Variants in EFEMP1 observed in about 807,000 individuals in gnomAD.
EFEMP1 encodes the protein EGF-like fibulin extracellular matrix protein 1.
In EFEMP1, 18 loss-of-function variants were observed where a neutral mutation model predicts 65.7. That is an observed-to-expected ratio of 0.27 (90% confidence interval 0.19 to 0.41). The LOEUF is 0.41. Among genes scored for constraint, EFEMP1 ranks in the 10% least tolerant of loss-of-function variants. The pLI is 1.00. For missense variants in EFEMP1, 469 were observed against 624.8 expected (o/e 0.75, Z 2.66); for synonymous variants, 237 against 219.7 (o/e 1.08, Z -0.70).
At chr2:55,896,337 C>A (rs556227407) in intron 5 of EFEMP1, among the ~76,000 whole-genome samples, 1 of 152,214 alleles carries the variant, frequency 6.6e-6, no homozygotes, top group African/African-American at 2.4e-5. Flanking sequence ...TGTTTTCAAT[C>A]CAGTGTTCCA....
At position 55,886,363 on chromosome 2, in the gene EFEMP1, G is replaced by A. The variant is rs1391594292; in HGVS notation, c.518-4629C>T. On this transcript the variant is annotated intron_variant, in intron 5 of 11. Transcript: ENST00000355426. This position sits in a 1 kb window ranked among gnomAD's most constrained non-coding sequence, Gnocchi z 4.0. Reference sequence around the variant, plus strand: ...ATAACCGTATCTTTACTAGTTCTGTGTGGGGCACTGTGCATGCTTTGCAAA... The same window carrying A: ...ATAACCGTATCTTTACTAGTTCTGTATGGGGCACTGTGCATGCTTTGCAAA... 6.6e-6 allele frequency among the ~76,000 whole-genome samples: 1 copy of A among 152,062 alleles called. No individual in the cohort carries two copies. Among genetic ancestry groups the A allele is most frequent in the Non-Finnish European group, 1.5e-5 (1 of 68,006 alleles).
rs758641385 is a variant in EFEMP1, at chr2:55,867,190, T to C, written c.1365A>G (p.Leu455=). Residue 455 remains leucine (L), a synonymous_variant, in exon 12 of 12, where the codon TTA becomes TTG. Transcript: ENST00000355426. This position sits in a 1 kb window ranked among gnomAD's most constrained non-coding sequence, Gnocchi z 4.3. ...CCACGATATGTTCTCTTGGTCCTGATAATGACTTCACGAGCACAAGCATTG... is the reference window on the plus strand; with the variant it reads ...CCACGATATGTTCTCTTGGTCCTGACAATGACTTCACGAGCACAAGCATTG... ...VSAMLVLVKS[L]SGPREHIVDL... 3 of 1,614,028 alleles carry C rather than the reference T, an allele frequency of 1.9e-6. No homozygotes were observed. Among genetic ancestry groups the C allele is most frequent in the South Asian group, 2.2e-5 (2 of 91,076 alleles).
intron 7 of EFEMP1, among the ~76,000 whole-genome samples, chr2:55,876,985 T>A (rs1018183002): frequency 6.6e-6 from 1 of 152,116 alleles, no homozygotes; most frequent in East Asian, 1.9e-4. Flanking sequence ...CGAAATATTT[T>A]TTCTAGGAAT....
chr2:55,871,161 C>T lies in EFEMP1; in HGVS notation c.1001-38G>A, dbSNP rs765694007. ...AGGGTCAAAGAGTTTACTAACTAAA[C>T]TAATGAACTGATCTAATTAAATCAT... On this transcript the variant is annotated intron_variant, in intron 9 of 11. Transcript: ENST00000355426. The surrounding 1 kb of genome is among the most constrained non-coding windows in gnomAD (Gnocchi z 4.2). The T allele has an allele frequency of 1.9e-5, 31 of 1,612,222 alleles. No individual in the cohort carries two copies. The highest frequency in any genetic ancestry group is 2.5e-5 in the Non-Finnish European group (30 of 1,179,210).
chr2:55,918,420 C>CT (rs983324158), intron 3 of EFEMP1, among the ~76,000 whole-genome samples, 153 bp from the exon 4 acceptor site: 5 of 151,916 alleles, frequency 3.3e-5, no homozygotes, highest in South Asian at 4.2e-4. Flanking sequence ...CATTCTATCG[C>CT]TTTTTTTTCA....
Position 55,867,141 on chromosome 2 carries a change from T to C in EFEMP1, c.1414A>G (p.Ser472Gly), listed in dbSNP as rs1668606731. The C allele has an allele frequency of 6.2e-7, 1 of 1,613,946 alleles. No individual in the cohort carries two copies. ...GAGCTTGTGCGGAAGGTCCCTATAC[T>C]GCTGACTGTCAGCATCTCCAGGTCC... is the stretch of plus-strand genomic sequence containing the variant. The part of the protein sequence containing the change: ...IVDLEMLTVS[S>G]IGTFRTSSVL... Residue 472 changes from serine (S) to glycine (G), a missense_variant, in exon 12 of 12, where the codon AGT becomes GGT. Physicochemically the swap from Ser to Gly is moderately conservative, Grantham distance 56. This residue lies in a region of EFEMP1 where 399 missense variants were observed against 528.2 expected (regional missense o/e 0.76). Coordinates refer to ENST00000355426, the MANE Select transcript of EFEMP1 (RefSeq NM_001039348.3). This position sits in a 1 kb window ranked among gnomAD's most constrained non-coding sequence, Gnocchi z 4.3.
At chr2:55,902,077 C>T (rs1468153283) in intron 5 of EFEMP1, among the ~76,000 whole-genome samples, 1 of 152,192 alleles carries the variant, frequency 6.6e-6, no homozygotes, top group South Asian at 2.1e-4. Flanking sequence ...GACCCAAAGT[C>T]AGAGGACCCA....
chr2:55,869,771 A>G (rs1473775033), intron 11 of EFEMP1, among the ~76,000 whole-genome samples: 1 of 152,184 alleles, frequency 6.6e-6, no homozygotes, highest in Non-Finnish European at 1.5e-5. Flanking sequence ...CATCATTAGC[A>G]TGAAACAGTT....
At chr2:55,880,291 C>T (rs1056756912) in intron 6 of EFEMP1, among the ~76,000 whole-genome samples, 1 of 152,146 alleles carries the variant, frequency 6.6e-6, no homozygotes, top group Admixed American at 6.5e-5. Context: ...TTTCCTCCTA[C>T]CACATTAAAA....
chr2:55,881,671 C>T lies in EFEMP1; in HGVS notation c.581G>A (p.Arg194Gln), dbSNP rs752116761. The change falls in exon 6 of 12, where the codon CGG becomes CAG. Residue 194 changes from arginine to glutamine, a missense_variant. Physicochemically the swap from Arg to Gln is conservative, Grantham distance 43. Transcript: ENST00000355426. ...CRADQVCINL[R>Q]GSFACQCPPG... ...AGGGCACTGACATGCAAAGGATCCC[C>T]GTAAATTGATGCACACTTGGTCTGC... 8.1e-6 allele frequency: 13 copies of T among 1,613,796 alleles called. No individual in the cohort carries two copies. The Admixed American group carries it at 8.3e-5, about 10-fold the overall frequency.
chr2:55,875,811 G>A (rs1050560684), intron 8 of EFEMP1, among the ~76,000 whole-genome samples: 2 of 152,060 alleles, frequency 1.3e-5, no homozygotes, highest in Non-Finnish European at 2.9e-5. Context: ...GGGGAAGAAT[G>A]CTTTGCATTT....
chr2:55,874,485 A>G (rs1668946667), intron 9 of EFEMP1, among the ~76,000 whole-genome samples: 1 of 152,220 alleles, frequency 6.6e-6, no homozygotes, highest in Non-Finnish European at 1.5e-5. Flanking sequence ...ATATTCAACT[A>G]TATTTTACAA....
At chr2:55,895,278 C>T (rs897434560) in intron 5 of EFEMP1, among the ~76,000 whole-genome samples, 1 of 152,230 alleles carries the variant, frequency 6.6e-6, no homozygotes, top group African/African-American at 2.4e-5. Flanking sequence ...TTCACTGCCA[C>T]ATAACAGATG....
Position 55,877,408 on chromosome 2 carries a change from A to T in EFEMP1, c.760+338T>A, listed in dbSNP as rs2104384655. Among the ~76,000 whole-genome samples the T allele has an allele frequency of 6.6e-6, 1 of 152,302 alleles. No individual in the cohort carries two copies. Among genetic ancestry groups the T allele is most frequent in the East Asian group, 1.9e-4 (1 of 5,184 alleles). On this transcript the variant is annotated intron_variant, in intron 7 of 11. Coordinates refer to ENST00000355426, the MANE Select transcript of EFEMP1 (RefSeq NM_001039348.3). The surrounding 1 kb of genome is among the most constrained non-coding windows in gnomAD (Gnocchi z 4.5). The stretch of plus-strand genomic sequence containing the variant: ...TAAAAATCAGATGCACTTTCAGTGG[A>T]AAGTTTATATACTTGAACTTGTAGT...
chr2:55,889,004 T>A (rs949569182), intron 5 of EFEMP1, among the ~76,000 whole-genome samples: 26 of 152,316 alleles, frequency 1.7e-4, no homozygotes, highest in African/African-American at 5.8e-4. Context: ...ATGAACTGAA[T>A]GGAGACTGAC....
At position 55,899,190 on chromosome 2, in the gene EFEMP1, G is replaced by A. The variant is rs541439480; in HGVS notation, c.518-17456C>T. ...ACTTCTCCAGAATTTTTCAGTAATC[G>A]CCACTTACCACTGATGATGTGGGGA... On this transcript the variant is annotated intron_variant, in intron 5 of 11. Coordinates refer to ENST00000355426, the MANE Select transcript of EFEMP1 (RefSeq NM_001039348.3). Among the ~76,000 whole-genome samples the A allele has an allele frequency of 7.9e-5, 12 of 152,250 alleles. No individual in the cohort carries two copies. In the South Asian group the frequency reaches 2.1e-3, roughly 26 times the overall value.
At position 55,876,724 on chromosome 2, in the gene EFEMP1, G is replaced by C; in HGVS notation, c.779C>G (p.Ala260Gly). ...GCACTGCTGAGCACATTGATTGCTG[G>C]CATCACATTCATTTATATCTGAAAA... ...YTCVDINECD[A>G]SNQCAQQCYN... is the part of the protein sequence containing the mutation. Residue 260 changes from alanine to glycine, a missense_variant, in exon 8 of 12, where the codon GCC (alanine) becomes GGC (glycine). Around this residue, in one of 3 missense-constraint regions of EFEMP1, gnomAD observed 399 missense variants for 528.2 expected, o/e 0.76. Coordinates refer to ENST00000355426, the MANE Select transcript of EFEMP1 (RefSeq NM_001039348.3). 1 of 1,607,440 alleles carries C rather than the reference G, an allele frequency of 6.2e-7. No individual in the cohort carries two copies. Among genetic ancestry groups the C allele is most frequent in the Non-Finnish European group, 8.5e-7 (1 of 1,176,216 alleles).
chr2:55,871,007 G>A lies in EFEMP1; in HGVS notation c.1117C>T (p.Pro373Ser). The A allele has an allele frequency of 6.2e-7, 1 of 1,613,678 alleles. No individual in the cohort carries two copies. The highest frequency in any genetic ancestry group is 8.5e-7 in the Non-Finnish European group (1 of 1,179,784). ...NPCQDPYILT[P>S]ENRCVCPVSN... The stretch of plus-strand genomic sequence containing the variant: ...AGTTCTGATTTTTCTTACTTCTCTG[G>A]TGTTAGAATGTAGGGATCTTGACAA... The change falls in exon 10 of 12, where the codon CCA becomes TCA. Residue 373 changes from proline to serine, a missense_variant. Transcript: ENST00000355426. The surrounding 1 kb of genome is among the most constrained non-coding windows in gnomAD (Gnocchi z 4.2).
At chr2:55,890,621 A>G (rs1669594807) in intron 5 of EFEMP1, among the ~76,000 whole-genome samples, 1 of 152,114 alleles carries the variant, frequency 6.6e-6, no homozygotes, top group Non-Finnish European at 1.5e-5. Flanking sequence ...TACAATGCAA[A>G]TAAGATAGAA....
Sources: gnomAD v4.1 joint callset for allele counts (sites outside exome capture counted in the v4.1 genomes callset) on GRCh38, gnomAD v4.1.1 for gene constraint, gnomAD v4.1.1 regional missense constraint, Gnocchi (gnomAD v3.1) non-coding constraint, MANE v1.5 for transcripts, NCBI Gene and HGNC (gene_info 2026-07-23, HGNC 2026-07-21) for gene names.